The following SRFBP1 variants were observed in gnomAD, a reference collection of about 807,000 sequenced individuals.
The protein encoded by SRFBP1 is serum response factor-binding protein 1.
In SRFBP1, 47 loss-of-function variants were observed where a neutral mutation model predicts 45.5. The ratio of observed to expected loss-of-function variants is 1.03; its 90% CI spans 0.82 to 1.32. SRFBP1 has a LOEUF of 1.32. SRFBP1 is among the 40% of genes most tolerant of loss of function. SRFBP1 has a pLI of 0.00. For missense variants in SRFBP1, 621 were observed against 484.6 expected (o/e 1.28, Z -2.64); for synonymous variants, 203 against 166.3 (o/e 1.22, Z -1.70).
chr5:121,963,384 G>T lies in SRFBP1; in HGVS notation c.36+1316G>T, dbSNP rs76157779. On this transcript the variant is annotated intron_variant, in intron 1 of 7. Transcript: ENST00000339397. ...GCTTTGTGCCAGAAAGCGTTTGGTG[G>T]GCTATTTTGCATTAGGTTACCTGTG... 1.1e-3 allele frequency among the ~76,000 whole-genome samples: 163 copies of T among 152,150 alleles called. 4 individuals carry two copies. The South Asian group carries it at 0.03, about 28-fold the overall frequency.
intron 2 of SRFBP1, among the ~76,000 whole-genome samples, chr5:122,035,468 GCT>G (rs1169879382): frequency 1.3e-5 from 2 of 152,142 alleles, no homozygotes; most frequent in African/African-American, 4.8e-5. Context: ...TTCCTTCTGT[GCT>G]CTGTCACAAG....
At chr5:122,003,102 G>A (rs1213156453) in intron 4 of SRFBP1, among the ~76,000 whole-genome samples, 2 of 152,070 alleles carry the variant, frequency 1.3e-5, no homozygotes, top group Admixed American at 1.3e-4. Flanking sequence ...CAGTGCTTTG[G>A]GAGGCCAAGA....
At chr5:122,073,909 A>C in intron 2 of SRFBP1, 1 of 1,065,050 alleles carries the variant, frequency 9.4e-7, no homozygotes. Context: ...CCTTTTGATA[A>C]AAATGTGTGT....
At chr5:122,074,211 C>T (rs778698143) in intron 2 of SRFBP1, 2 of 1,556,372 alleles carry the variant, frequency 1.3e-6, no homozygotes, top group East Asian at 2.3e-5. Context: ...CAGTTACATA[C>T]AGAGAAAGCA....
At chr5:121,984,115 A>T (rs1170510017) in intron 3 of SRFBP1, among the ~76,000 whole-genome samples, 1 of 151,816 alleles carries the variant, frequency 6.6e-6, no homozygotes, top group Non-Finnish European at 1.5e-5. Context: ...CAAAATCAGA[A>T]TGCATCATTT....
chr5:121,962,392 T>TA (rs1751967468), intron 1 of SRFBP1, among the ~76,000 whole-genome samples: 1 of 152,202 alleles, frequency 6.6e-6, no homozygotes, highest in Admixed American at 6.5e-5. Flanking sequence ...TTAACTGAGA[T>TA]ACGTAAAGTA....
Position 122,026,605 on chromosome 5 carries a change from A to G in SRFBP1, c.1106-337A>G, listed in dbSNP as rs542155847. On this transcript the variant is annotated intron_variant, in intron 7 of 7. Transcript: ENST00000339397. ...ATAAGCTAATGATGTTCCTTTGAAA[A>G]TACATGATGCCCTTCTTTTTTGCCT... Among the ~76,000 whole-genome samples, 151 of 152,340 alleles carry G rather than the reference A, an allele frequency of 9.9e-4. 2 individuals carry two copies. The Middle Eastern group carries it at 0.01, about 10-fold the overall frequency.
intron 3 of SRFBP1, among the ~76,000 whole-genome samples, chr5:121,981,786 T>C (rs747739466): frequency 4.6e-5 from 7 of 152,002 alleles, no homozygotes; most frequent in Non-Finnish European, 2.9e-5. Flanking sequence ...CCTTTTACTT[T>C]GTATGTATTT....
chr5:122,037,008 C>T (rs10064604), intron 2 of SRFBP1, among the ~76,000 whole-genome samples: 17,925 of 151,876 alleles, frequency 0.12, 1,160 homozygotes, highest in Non-Finnish European at 0.14. Context: ...AAGCAATTCT[C>T]CTGCCTCAAG....
chr5:122,047,527 C>G (rs369895953), intron 2 of SRFBP1, among the ~76,000 whole-genome samples: 2 of 152,036 alleles, frequency 1.3e-5, no homozygotes, highest in African/African-American at 2.4e-5. Context: ...CTTGGCAATG[C>G]GGGCTCTTTT....
intron 5 of SRFBP1, 27 bp from the exon 6 acceptor site, chr5:122,020,061 A>G: frequency 7.0e-7 from 1 of 1,437,454 alleles, no homozygotes; most frequent in South Asian, 1.4e-5. Context: ...CAGTGCTAAA[A>G]TGAGTGATGC....
intron 2 of SRFBP1, chr5:122,074,069 C>G: frequency 6.2e-7 from 1 of 1,614,134 alleles, no homozygotes; most frequent in Non-Finnish European, 8.5e-7. Flanking sequence ...CAGGATGTGT[C>G]TTCAAGACAG....
chr5:121,978,716 G>T (rs1250497930), intron 3 of SRFBP1, among the ~76,000 whole-genome samples: 4 of 152,032 alleles, frequency 2.6e-5, no homozygotes, highest in Non-Finnish European at 4.4e-5. Context: ...GGTCTCGAAC[G>T]CCTGACCTCA....
chr5:121,976,883 A>G (rs1159056245), intron 3 of SRFBP1, among the ~76,000 whole-genome samples: 1 of 150,230 alleles, frequency 6.7e-6, no homozygotes, highest in African/African-American at 2.5e-5. Flanking sequence ...TATAAAAAAT[A>G]TATACATACA....
At chr5:122,026,047 G>A (rs1328387225) in intron 7 of SRFBP1, among the ~76,000 whole-genome samples, 4 of 152,166 alleles carry the variant, frequency 2.6e-5, no homozygotes, top group Non-Finnish European at 4.4e-5. Context: ...CCAAGATCAC[G>A]CCACTGCTCT....
chr5:121,977,832 A>C (rs944114978), intron 3 of SRFBP1, among the ~76,000 whole-genome samples: 32 of 152,142 alleles, frequency 2.1e-4, no homozygotes, highest in African/African-American at 7.5e-4. Flanking sequence ...AACTAAGAAA[A>C]AAAATTGGCT....
At chr5:122,002,321 A>G (rs145452334) in intron 4 of SRFBP1, among the ~76,000 whole-genome samples, 108 of 152,318 alleles carry the variant, frequency 7.1e-4, no homozygotes, top group African/African-American at 2.4e-3. Flanking sequence ...ATTCTTATTC[A>G]TTCTTCTGCA....
At chr5:122,073,317 A>G (rs534717316) in intron 2 of SRFBP1, among the ~76,000 whole-genome samples, 1 of 152,318 alleles carries the variant, frequency 6.6e-6, no homozygotes, top group African/African-American at 2.4e-5. Context: ...GTTCAGCACT[A>G]CTTTAAAAAA....
exon 3 of SRFBP1, chr5:122,075,538 T>G (rs1372699077): frequency 6.4e-7 from 1 of 1,568,630 alleles, no homozygotes; most frequent in African/African-American, 1.4e-5. Context: ...CCCTGTATGC[T>G]GTACTGTGAT....
Sources: gnomAD v4.1 joint callset for allele counts (sites outside exome capture counted in the v4.1 genomes callset) on GRCh38, gnomAD v4.1.1 for gene constraint, MANE v1.5 for transcripts, NCBI Gene and HGNC (gene_info 2026-07-23, HGNC 2026-07-21) for gene names.